The following FAM149A variants were observed in gnomAD, a reference collection of about 807,000 sequenced individuals.
FAM149A encodes protein FAM149A.
FAM149A carries 71 observed loss-of-function variants against 78.2 expected under a neutral mutation model. The observed-to-expected ratio is 0.91, with a 90% CI of 0.75 to 1.11. The LOEUF (loss-of-function observed/expected upper bound fraction) is 1.11, where lower values mean the gene tolerates loss of function less well. Ranked by LOEUF, FAM149A falls within the 50% of genes least tolerant of loss-of-function variation. The pLI is 0.00. For synonymous variants in FAM149A, 446 were observed against 410.5 expected (o/e 1.09, Z -1.04); for missense variants, 1,036 against 971.0 (o/e 1.07, Z -0.89).
chr4:186,106,423 T>TA (rs150351995), intron 1 of FAM149A, among the ~76,000 whole-genome samples: 1 of 152,308 alleles, frequency 6.6e-6, no homozygotes, highest in East Asian at 1.9e-4. Context: ...AGCATATCGT[T>TA]AGCTATTCTT....
intron 1 of FAM149A, among the ~76,000 whole-genome samples, chr4:186,127,987 CTTTTT>C (rs61637634): frequency 8.0e-5 from 5 of 62,390 alleles, no homozygotes; most frequent in African/African-American, 1.4e-4. Context: ...CATGCCCGGC[CTTTTT>C]TTTTTTTTTT....
intron 5 of FAM149A, 124 bp from the exon 6 acceptor site, chr4:186,154,344 C>T: frequency 1.3e-6 from 1 of 751,524 alleles, no homozygotes; most frequent in Non-Finnish European, 2.0e-6. Context: ...ATGTAATATT[C>T]AACCGTTTTG....
At chr4:186,136,619 T>C (rs760720046) in intron 1 of FAM149A, among the ~76,000 whole-genome samples, 2 of 152,262 alleles carry the variant, frequency 1.3e-5, no homozygotes, top group Non-Finnish European at 2.9e-5. Context: ...TTCTATGCTT[T>C]TTATACTCTT....
chr4:186,153,827 T>G, intron 5 of FAM149A, 57 bp downstream of exon 5: 1 of 1,546,262 alleles, frequency 6.5e-7, no homozygotes, highest in Non-Finnish European at 8.8e-7. Context: ...TAGTTATACT[T>G]TTTCATGTTT....
Position 186,174,725 on chromosome 4 carries a change from C to T in FAM149A, c.*2738C>T, listed in dbSNP as rs142757141. ...GCCCTGTCATTGATTTTAAAAATGA[C>T]CTTCTCATTGCACTGATTTTTACTC... On this transcript the variant is annotated 3_prime_UTR_variant, in exon 14 of 14. Coordinates refer to ENST00000389354, the MANE Select transcript of FAM149A (RefSeq NM_001367768.3). Among the ~76,000 whole-genome samples the T allele has an allele frequency of 3.9e-3, 436 of 110,520 alleles. 92 individuals carry two copies. The highest frequency in any genetic ancestry group is 0.012 in the African/African-American group (419 of 35,504). 72.5% of individuals were successfully genotyped at this position (110,520 alleles called of 152,430 possible).
intron 8 of FAM149A, 116 bp downstream of exon 8, chr4:186,157,835 C>G: frequency 6.4e-7 from 1 of 1,552,302 alleles, no homozygotes; most frequent in Non-Finnish European, 8.7e-7. Flanking sequence ...CCACGCTGCC[C>G]GCAGAGGGGT....
At chr4:186,134,634 T>C (rs775283851) in intron 1 of FAM149A, among the ~76,000 whole-genome samples, 2 of 152,144 alleles carry the variant, frequency 1.3e-5, no homozygotes, top group East Asian at 3.9e-4. Context: ...AGTTTTGTTG[T>C]TTTACATTTA....
intron 7 of FAM149A, 139 bp from the exon 8 acceptor site, chr4:186,157,426 T>A: frequency 1.2e-6 from 1 of 816,498 alleles, no homozygotes; most frequent in Non-Finnish European, 1.9e-6. Context: ...GTCTCTGCCC[T>A]CCGTGGTAAC....
At chr4:186,127,181 C>T (rs963648225) in intron 1 of FAM149A, 22 of 977,702 alleles carry the variant, frequency 2.3e-5, no homozygotes, top group Non-Finnish European at 2.7e-5. Context: ...CAACTCCACC[C>T]TGAGTAGCAT....
chr4:186,125,486 C>A, intron 1 of FAM149A: 1 of 384,160 alleles, frequency 2.6e-6, no homozygotes. Context: ...GAAGATAGTC[C>A]GTCCGTCAGC....
intron 1 of FAM149A, among the ~76,000 whole-genome samples, chr4:186,120,807 A>G (rs983069711): frequency 3.7e-4 from 56 of 150,082 alleles, no homozygotes; most frequent in African/African-American, 1.3e-3. Context: ...AAAAAAAAAA[A>G]AAAGTTAGTA....
chr4:186,128,330 C>T (rs1033615782), intron 1 of FAM149A, among the ~76,000 whole-genome samples: 1 of 151,844 alleles, frequency 6.6e-6, no homozygotes, highest in African/African-American at 2.4e-5. Flanking sequence ...AAAATTAGTC[C>T]TACATTTTTG....
chr4:186,144,728 C>CG lies in FAM149A; in HGVS notation c.567-4445_567-4444insG, dbSNP rs1554069308. 2.4e-5 allele frequency: 6 copies of CG among 255,094 alleles called. No homozygotes were observed. The African/African-American group carries it at 3.1e-4, about 13-fold the overall frequency. 15.8% of individuals were successfully genotyped at this position (255,094 alleles called of 1,614,324 possible). On this transcript the variant is annotated intron_variant, in intron 1 of 13. Transcript: ENST00000389354. The surrounding 1 kb of genome is among the most constrained non-coding windows in gnomAD (Gnocchi z 4.2). The stretch of plus-strand genomic sequence containing the variant: ...CGCTTTCCCGGAGGTCGGCGCGGGG[C>CG]CGGGGCCGGGGCCGGGGCCCGGAGC...
chr4:186,157,877 A>G (rs1381912146), intron 8 of FAM149A, 158 bp downstream of exon 8: 1 of 1,539,472 alleles, frequency 6.5e-7, no homozygotes, highest in African/African-American at 1.4e-5. Context: ...ACTTAAAGGG[A>G]AACCTTCACA....
rs1392864818 is a variant in FAM149A, at chr4:186,126,572, C to T, written c.566+20930C>T. 2.1e-4 allele frequency among the ~76,000 whole-genome samples: 32 copies of T among 152,164 alleles called. 1 individual carries two copies. The highest frequency in any genetic ancestry group is 2.1e-3 in the Admixed American group (32 of 15,284). The stretch of plus-strand genomic sequence containing the variant: ...CTCGGACATCCAACTCTTCTGCCCT[C>T]AGACATTGAAGGGTCTGGTGTTTGG... On this transcript the variant is annotated intron_variant, in intron 1 of 13. Transcript: ENST00000389354.
intron 4 of FAM149A, 76 bp from the exon 5 acceptor site, chr4:186,153,569 C>A: frequency 1.3e-6 from 2 of 1,551,740 alleles, no homozygotes; most frequent in South Asian, 1.2e-5. Flanking sequence ...AAATCATTGT[C>A]TCCTACTTTT....
At chr4:186,118,953 CAAAAT>C (rs2099314847) in intron 1 of FAM149A, among the ~76,000 whole-genome samples, 1 of 152,092 alleles carries the variant, frequency 6.6e-6, no homozygotes, top group Admixed American at 6.6e-5. Flanking sequence ...TGCTTTCTCT[CAAAAT>C]AAACCTTTGG....
At chr4:186,109,516 G>C (rs750812825) in intron 1 of FAM149A, 1 of 985,344 alleles carries the variant, frequency 1.0e-6, no homozygotes, top group Admixed American at 6.1e-5. Context: ...ACCTCAAACC[G>C]ATTGCTAGCT....
intron 9 of FAM149A, among the ~76,000 whole-genome samples, chr4:186,163,175 C>T (rs1734748962): frequency 1.3e-5 from 2 of 152,210 alleles, no homozygotes; most frequent in Admixed American, 6.5e-5. Context: ...GAATGTAGTC[C>T]TGAAATTCTT....
Sources: allele counts gnomAD v4.1 joint callset (sites outside exome capture counted in the v4.1 genomes callset), GRCh38; gene constraint gnomAD v4.1.1; non-coding constraint Gnocchi (gnomAD v3.1); transcripts MANE v1.5; gene names NCBI Gene and HGNC (gene_info 2026-07-23, HGNC 2026-07-21).